NEGR1: variants seen among roughly 807,000 people sequenced by gnomAD.
NEGR1 encodes neuronal growth regulator 1.
NEGR1 carries 10 observed loss-of-function variants against 40.9 expected under a neutral mutation model. The ratio of observed to expected loss-of-function variants is 0.24; its 90% CI spans 0.15 to 0.42. The LOEUF is 0.42. Among genes scored for constraint, NEGR1 ranks in the 10% least tolerant of loss-of-function variants. The pLI, the probability that NEGR1 is intolerant of heterozygous loss-of-function variation, is 1.00. For synonymous variants in NEGR1, 185 were observed against 166.8 expected (o/e 1.11, Z -0.84); for missense variants, 352 against 438.9 (o/e 0.80, Z 1.77).
chr1:71,853,613 G>T (rs77234637), intron 2 of NEGR1, among the ~76,000 whole-genome samples: 2,318 of 152,138 alleles, frequency 0.015, 53 homozygotes, highest in South Asian at 0.1. Flanking sequence ...TCTCACTAGA[G>T]AAAATTGAGG....
intron 2 of NEGR1, among the ~76,000 whole-genome samples, chr1:71,823,052 C>A (rs779966458): frequency 6.6e-6 from 1 of 151,956 alleles, no homozygotes; most frequent in Non-Finnish European, 1.5e-5. Flanking sequence ...ATACAAAGGT[C>A]TAGGAATCAA....
intron 1 of NEGR1, among the ~76,000 whole-genome samples, chr1:72,157,843 C>A (rs547510723): frequency 2.6e-5 from 4 of 152,260 alleles, no homozygotes; most frequent in African/African-American, 9.6e-5. Context: ...GAACACAAGT[C>A]AACCTGATAG....
intron 1 of NEGR1, among the ~76,000 whole-genome samples, chr1:72,063,525 A>C (rs368195349): frequency 2.2e-4 from 33 of 151,930 alleles, no homozygotes; most frequent in Non-Finnish European, 4.1e-4. Flanking sequence ...AGTTATGCAC[A>C]GTGTACTGGA....
chr1:72,185,247 C>A (rs562367514), intron 1 of NEGR1, among the ~76,000 whole-genome samples: 1 of 151,546 alleles, frequency 6.6e-6, no homozygotes, highest in South Asian at 2.1e-4. Flanking sequence ...AAGAAGAGAC[C>A]ATAATTTGAA....
chr1:71,676,905 G>A (rs1652660577), intron 4 of NEGR1, among the ~76,000 whole-genome samples: 1 of 152,102 alleles, frequency 6.6e-6, no homozygotes, highest in Admixed American at 6.6e-5. Context: ...TAAGACTGAG[G>A]GTAGCTCATT....
chr1:71,998,683 T>A (rs1646527152), intron 1 of NEGR1, among the ~76,000 whole-genome samples: 1 of 151,674 alleles, frequency 6.6e-6, no homozygotes, highest in Non-Finnish European at 1.5e-5. Context: ...CATACACACT[T>A]GCATTTACAT....
chr1:71,963,577 G>A (rs553650157), intron 1 of NEGR1, among the ~76,000 whole-genome samples: 1 of 152,236 alleles, frequency 6.6e-6, no homozygotes, highest in East Asian at 1.9e-4. Context: ...GTCATGTTAA[G>A]TAACACTCTC....
intron 1 of NEGR1, among the ~76,000 whole-genome samples, chr1:72,116,373 A>T (rs971975609): frequency 1.3e-5 from 2 of 151,894 alleles, no homozygotes; most frequent in Admixed American, 1.3e-4. Context: ...ATGGCATTTT[A>T]AAAGAATTGC....
chr1:72,000,181 T>C (rs759370634), intron 1 of NEGR1, among the ~76,000 whole-genome samples: 1 of 152,128 alleles, frequency 6.6e-6, no homozygotes, highest in East Asian at 1.9e-4. Flanking sequence ...GATGGTTTTT[T>C]CTATAAGCTT....
At chr1:72,047,984 A>G (rs1226842323) in intron 1 of NEGR1, among the ~76,000 whole-genome samples, 1 of 151,600 alleles carries the variant, frequency 6.6e-6, no homozygotes, top group Non-Finnish European at 1.5e-5. Context: ...TCCAGAATCT[A>G]GCTTTATGTA....
At chr1:71,619,939 T>A (rs1166808859) in intron 4 of NEGR1, among the ~76,000 whole-genome samples, 1 of 152,106 alleles carries the variant, frequency 6.6e-6, no homozygotes, top group Non-Finnish European at 1.5e-5. Context: ...CTTTCTCTCA[T>A]GCCATCCTCA....
intron 6 of NEGR1, among the ~76,000 whole-genome samples, chr1:71,555,056 C>T (rs1377751100): frequency 6.6e-6 from 1 of 151,558 alleles, no homozygotes; most frequent in African/African-American, 2.4e-5. Context: ...AGCTGCCTTC[C>T]TAAGGAGCAG....
At chr1:71,865,673 C>A (rs1170344031) in intron 2 of NEGR1, among the ~76,000 whole-genome samples, 1 of 152,102 alleles carries the variant, frequency 6.6e-6, no homozygotes, top group East Asian at 1.9e-4. Flanking sequence ...ATGGGTACAG[C>A]AAACTACCAT....
intron 1 of NEGR1, among the ~76,000 whole-genome samples, chr1:72,088,796 C>CTTTTTTTTTTTTTTTTT (rs71074816): frequency 1.1e-4 from 8 of 74,906 alleles, no homozygotes; most frequent in Admixed American, 1.8e-4. Flanking sequence ...CTCTCTCTCT[C>CTTTTTTTTTTTTTTTTT]TTTTTTTTTT....
intron 4 of NEGR1, among the ~76,000 whole-genome samples, chr1:71,631,115 G>T (rs183908881): frequency 2.1e-4 from 32 of 151,956 alleles, no homozygotes; most frequent in Middle Eastern, 6.8e-3. Flanking sequence ...ATTTGTGTGG[G>T]AATTAATTGT....
At chr1:72,228,412 G>T (rs567298882) in intron 1 of NEGR1, among the ~76,000 whole-genome samples, 1 of 152,148 alleles carries the variant, frequency 6.6e-6, no homozygotes, top group African/African-American at 2.4e-5. Flanking sequence ...ATCTCCCCTG[G>T]TTTTCACACC....
At chr1:72,217,414 C>CT (rs1202373010) in intron 1 of NEGR1, among the ~76,000 whole-genome samples, 2 of 151,444 alleles carry the variant, frequency 1.3e-5, no homozygotes, top group Non-Finnish European at 3.0e-5. Context: ...TCTTGAGTGG[C>CT]TTTTTTTAAG....
rs370669263 is a variant in NEGR1 at position 72,242,250 on chromosome 1, TATA to T, written c.176+40066_176+40068del. On this transcript the variant is annotated intron_variant, in intron 1 of 6. Coordinates refer to ENST00000357731, the MANE Select transcript of NEGR1 (RefSeq NM_173808.3). ...CAACTTCTACACTTTGATTTGGCAGTATAATGAGTTGGGATGCTAAAAATTTGA... is the reference window on the plus strand; with the variant it reads ...CAACTTCTACACTTTGATTTGGCAGTATGAGTTGGGATGCTAAAAATTTGA... 3.9e-3 allele frequency among the ~76,000 whole-genome samples: 595 copies of T among 151,882 alleles called. 4 individuals are homozygous for T. Among genetic ancestry groups the T allele is most frequent in the African/African-American group, 0.014 (565 of 41,532 alleles).
At chr1:72,239,922 G>A (rs1409646398) in intron 1 of NEGR1, among the ~76,000 whole-genome samples, 1 of 151,670 alleles carries the variant, frequency 6.6e-6, no homozygotes, top group Non-Finnish European at 1.5e-5. Context: ...GGTACAAAGT[G>A]TCCTCAAAAA....
Sources: allele counts gnomAD v4.1 joint callset (sites outside exome capture counted in the v4.1 genomes callset), GRCh38; gene constraint gnomAD v4.1.1; transcripts MANE v1.5; gene names NCBI Gene and HGNC (gene_info 2026-07-23, HGNC 2026-07-21).